The following KANK3 variants were observed in gnomAD, a reference collection of about 807,000 sequenced individuals.
KANK3 encodes the protein KN motif and ankyrin repeat domains 3, also known as KN motif and ankyrin repeat domain-containing protein 3.
Under a neutral mutation model 65.4 loss-of-function variants are expected in KANK3, and 61 were observed. The observed-to-expected ratio is 0.93, with a 90% confidence interval of 0.76 to 1.15. The LOEUF (loss-of-function observed/expected upper bound fraction) is 1.15, where lower values mean the gene tolerates loss of function less well. Ranked by LOEUF, KANK3 falls within the 50% of genes most tolerant of loss-of-function variation. The pLI is 0.00. For missense variants in KANK3, 1,187 were observed against 1,178.8 expected, an observed-to-expected ratio of 1.01 and a Z score of -0.10; for synonymous variants, 586 against 543.3, an observed-to-expected ratio of 1.08 and a Z score of -1.09.
chr19:8,322,851 G>C lies in KANK3; in HGVS notation c.2454C>G (p.Pro818=), dbSNP rs774047749. 12 of 1,602,340 alleles carry C rather than the reference G, an allele frequency of 7.5e-6. No individual in the cohort carries two copies. The highest frequency in any genetic ancestry group is 6.8e-5 in the East Asian group (3 of 44,306). The change falls in exon 11 of 11, where the codon CCC becomes CCG. Residue 818 remains proline (P), a synonymous_variant. Coordinates refer to ENST00000330915, the MANE Select transcript of KANK3 (RefSeq NM_198471.3). ...EGECGDNGEN[P]QVQ ...CAGACGAGGCAGCTTACTGAACCTGGGGGTTCTCTCCATTGTCACCGCATT... is the reference window on the plus strand; with the variant it reads ...CAGACGAGGCAGCTTACTGAACCTGCGGGTTCTCTCCATTGTCACCGCATT...
chr19:8,328,390 CACA>C (rs1970464713), intron 7 of KANK3, among the ~76,000 whole-genome samples: 2 of 4,676 alleles, frequency 4.3e-4, no homozygotes, highest in East Asian at 4.0e-3. Flanking sequence ...ACCCCCACCA[CACA>C]CACACACACA....
Position 8,333,659 on chromosome 19 carries a change from T to G in KANK3, c.1719+65A>C, listed in dbSNP as rs988426037. ...ATGGAACCCGGTGTGCTCCCCTAAG[T>G]GGGCGTCAGAGGTCCTTGGAGGCTC... On this transcript the variant is annotated intron_variant, in intron 6 of 10. Transcript: ENST00000330915. This position sits in a 1 kb window ranked among gnomAD's most constrained non-coding sequence, Gnocchi z 5.0. The G allele has an allele frequency of 5.4e-6, 7 of 1,299,890 alleles. No homozygotes were observed. The African/African-American group carries it at 1.1e-4, about 20-fold the overall frequency. 80.5% of individuals were successfully genotyped at this position (1,299,890 alleles called of 1,614,324 possible).
intron 1 of KANK3, among the ~76,000 whole-genome samples, chr19:8,340,275 C>CGTAT (rs780229218): frequency 5.0e-4 from 33 of 66,088 alleles, no homozygotes; most frequent in African/African-American, 1.1e-3. Context: ...AAAAAAAAAC[C>CGTAT]ATATATATAT....
At chr19:8,339,963 C>CAAAAA (rs59020478) in intron 1 of KANK3, among the ~76,000 whole-genome samples, 106 of 95,476 alleles carry the variant, frequency 1.1e-3, no homozygotes, top group South Asian at 1.6e-3. Context: ...GACCTTGTCT[C>CAAAAA]AAAAAAAAAA....
intron 7 of KANK3, among the ~76,000 whole-genome samples, chr19:8,327,058 A>G (rs937881243): frequency 2.6e-5 from 4 of 152,124 alleles, no homozygotes; most frequent in Non-Finnish European, 5.9e-5. Context: ...GTCTCCTGCC[A>G]TTCTGAAGGC....
chr19:8,339,963 C>CAAAAAAAAAAA (rs59020478), intron 1 of KANK3, among the ~76,000 whole-genome samples: 7 of 95,776 alleles, frequency 7.3e-5, no homozygotes, highest in Non-Finnish European at 1.3e-4. Flanking sequence ...GACCTTGTCT[C>CAAAAAAAAAAA]AAAAAAAAAA....
chr19:8,324,671 G>C lies in KANK3; in HGVS notation c.2242C>G (p.Leu748Val), dbSNP rs543226825. ...EYGRLDTVRL[L>V]LTQPGCDPAI... is the part of the protein sequence containing the mutation. ...GGGTCACAGCCTGGCTGGGTGAGCAGCAGCCGCACGGTGTCCAGGCGCCCA... is the reference window on the plus strand; with the variant it reads ...GGGTCACAGCCTGGCTGGGTGAGCACCAGCCGCACGGTGTCCAGGCGCCCA... Residue 748 changes from leucine (L) to valine (V), a missense_variant, in exon 9 of 11, where the codon CTG (leucine) becomes GTG (valine). Leu to Val is a conservative substitution (Grantham distance 32). Around this residue, in one of 3 missense-constraint regions of KANK3, gnomAD observed 1,078 missense variants for 1,038.2 expected, o/e 1.04. Coordinates refer to ENST00000330915, the MANE Select transcript of KANK3 (RefSeq NM_198471.3). 6.2e-7 allele frequency: 1 copy of C among 1,614,012 alleles called. No individual in the cohort carries two copies.
At chr19:8,325,656 C>G (rs1970414760) in intron 7 of KANK3, among the ~76,000 whole-genome samples, 1 of 152,082 alleles carries the variant, frequency 6.6e-6, no homozygotes, top group African/African-American at 2.4e-5. Flanking sequence ...TAGAACAATA[C>G]TTGGCACATA....
In KANK3 at chr19:8,333,286, T is replaced by G. The variant is rs1599647691; in HGVS notation, c.1720-56A>C. ...GCGATGGTCCACGGCGGCGCCGTGG[T>G]GGGGGAGCTGGGGAGGGGCGGGACT... On this transcript the variant is annotated intron_variant, in intron 6 of 10. Transcript: ENST00000330915. The surrounding 1 kb of genome is among the most constrained non-coding windows in gnomAD (Gnocchi z 5.0). 7.2e-7 allele frequency: 1 copy of G among 1,386,754 alleles called. No individual in the cohort carries two copies. The highest frequency in any genetic ancestry group is 9.9e-7 in the Non-Finnish European group (1 of 1,008,248). 85.9% of individuals were successfully genotyped at this position (1,386,754 alleles called of 1,614,324 possible).
chr19:8,329,832 C>T (rs1048818247), intron 7 of KANK3, among the ~76,000 whole-genome samples: 2 of 152,174 alleles, frequency 1.3e-5, no homozygotes, highest in Admixed American at 6.6e-5. Flanking sequence ...AAGGAACCTG[C>T]TTTGTGTAAC....
At chr19:8,329,125 G>A (rs1203326785) in intron 7 of KANK3, among the ~76,000 whole-genome samples, 1 of 141,398 alleles carries the variant, frequency 7.1e-6, no homozygotes. Context: ...GAGCCGAGAT[G>A]GCGCCACTGC....
chr19:8,335,806 G>T lies in KANK3; in HGVS notation c.35-14C>A, dbSNP rs942727852. 8.1e-6 allele frequency: 10 copies of T among 1,228,926 alleles called. No individual in the cohort carries two copies. Among genetic ancestry groups the T allele is most frequent in the African/African-American group, 3.1e-5 (2 of 64,284 alleles). The allele number at this position is 1,228,926 out of a possible 1,614,324, so 76.1% of individuals were successfully genotyped here. A position where few individuals can be genotyped will look rare whatever the true frequency, so the allele number is the denominator to read the frequency against. Reference sequence around the variant, plus strand: ...GGCCGCCCAGGTCTGGAGGCACGACGGGGGCACGGGGAGGGCGCATCAGAA... The same window carrying T: ...GGCCGCCCAGGTCTGGAGGCACGACTGGGGCACGGGGAGGGCGCATCAGAA... On this transcript the variant is annotated splice_polypyrimidine_tract_variant and intron_variant, in intron 2 of 10. Coordinates refer to ENST00000330915, the MANE Select transcript of KANK3 (RefSeq NM_198471.3).
rs1310235977 is a variant in KANK3 at position 8,334,007 on chromosome 19, C to T, written c.1537G>A (p.Gly513Arg). The change falls in exon 5 of 11, where the codon GGA becomes AGA. Residue 513 changes from glycine to arginine, a missense_variant. By Grantham distance (125) the Gly-to-Arg change is moderately radical. Coordinates refer to ENST00000330915, the MANE Select transcript of KANK3 (RefSeq NM_198471.3). Reference sequence around the variant, plus strand: ...GGGCCAGGGGTGCCCGAGTCGGATCCCCCGCCGCTGTCATCCCCGGAGCCC... The same window carrying T: ...GGGCCAGGGGTGCCCGAGTCGGATCTCCCGCCGCTGTCATCCCCGGAGCCC... ...SSGSGDDSGG[G>R]SDSGTPGPPS... is the part of the protein sequence containing the mutation. 1 of 1,560,376 alleles carries T rather than the reference C, an allele frequency of 6.4e-7. No homozygotes were observed. Among genetic ancestry groups the T allele is most frequent in the South Asian group, 1.2e-5 (1 of 85,774 alleles).
In KANK3 at chr19:8,333,385, C is replaced by T. The variant is rs116666311; in HGVS notation, c.1720-155G>A. On this transcript the variant is annotated intron_variant, in intron 6 of 10. Transcript: ENST00000330915. This position sits in a 1 kb window ranked among gnomAD's most constrained non-coding sequence, Gnocchi z 5.0. ...TCGTCCAGGTGGGGAGCCATGCGAACCCAGATGGAGGGCTGGGGCCACACC... is the reference window on the plus strand; with the variant it reads ...TCGTCCAGGTGGGGAGCCATGCGAATCCAGATGGAGGGCTGGGGCCACACC... Among the ~76,000 whole-genome samples the T allele has an allele frequency of 1.5e-3, 227 of 152,328 alleles. No homozygotes were observed. The highest frequency in any genetic ancestry group is 5.4e-3 in the African/African-American group (223 of 41,586).
At chr19:8,337,759 G>A (rs536424055) in intron 2 of KANK3, 36 bp downstream of exon 2, 12 of 1,591,888 alleles carry the variant, frequency 7.5e-6, no homozygotes, top group South Asian at 4.4e-5. Context: ...CTGTGCATGC[G>A]CACACACACA....
At position 8,333,227 on chromosome 19, in the gene KANK3, C is replaced by T. The variant is rs1363911311; in HGVS notation, c.1723G>A (p.Ala575Thr). The change falls in exon 7 of 11, where the codon GCA becomes ACA. Residue 575 changes from alanine to threonine, a missense_variant. By Grantham distance (58) the Ala-to-Thr change is moderately conservative (BLOSUM62 0). This residue lies in a region of KANK3 where 1,078 missense variants were observed against 1,038.2 expected (regional missense o/e 1.04). Coordinates refer to ENST00000330915, the MANE Select transcript of KANK3 (RefSeq NM_198471.3). This position sits in a 1 kb window ranked among gnomAD's most constrained non-coding sequence, Gnocchi z 5.0. ...RPRGVASDGG[A>T]VRLVAQEWFR... ...CACTCCTGGGCCACGAGGCGCACTG[C>T]GCCCTGCAAGGGACAGGGGCCAAGA... The T allele has an allele frequency of 1.2e-6, 2 of 1,609,284 alleles. No homozygotes were observed. The highest frequency in any genetic ancestry group is 1.3e-5 in the African/African-American group (1 of 74,886).
chr19:8,334,657 C>T lies in KANK3; in HGVS notation c.1170G>A (p.Ala390=), dbSNP rs1381094754. 3 of 1,541,000 alleles carry T rather than the reference C, an allele frequency of 1.9e-6. No individual in the cohort carries two copies. Among genetic ancestry groups the T allele is most frequent in the Non-Finnish European group, 2.6e-6 (3 of 1,150,472 alleles). The change falls in exon 3 of 11, where the codon GCG becomes GCA. Residue 390 remains alanine, a synonymous_variant. Coordinates refer to ENST00000330915, the MANE Select transcript of KANK3 (RefSeq NM_198471.3). ...CGCGTAGCTGGGCCCGGGCCCCCGC[C>T]GCTGCCTCCTCCGCAGCCTCGCGGG... ...EEAREAAEEA[A]AGARAQLREA...
Position 8,333,923 on chromosome 19 carries a change from C to A in KANK3, c.1621G>T (p.Val541Leu). 6.3e-7 allele frequency: 1 copy of A among 1,579,084 alleles called. No homozygotes were observed. The highest frequency in any genetic ancestry group is 8.6e-7 in the Non-Finnish European group (1 of 1,165,042). The change falls in exon 5 of 11, where the codon GTG becomes TTG. Residue 541 changes from valine (V) to leucine (L), a missense_variant. By Grantham distance (32) the Val-to-Leu change is conservative. Transcript: ENST00000330915. This position sits in a 1 kb window ranked among gnomAD's most constrained non-coding sequence, Gnocchi z 5.0. ...EPEAEAEPQQ[V>L]AQGRCELSPR... The stretch of plus-strand genomic sequence containing the variant: ...AGCGCCGCTCACCTCCCCTGTGCCA[C>A]CTGCTGAGGCTCTGCCTCCGCCTCG...
chr19:8,324,028 A>G (rs1430384583), intron 10 of KANK3, among the ~76,000 whole-genome samples: 1 of 152,186 alleles, frequency 6.6e-6, no homozygotes, highest in Non-Finnish European at 1.5e-5. Flanking sequence ...GAAAGGTCTT[A>G]GCTAGGTCTC....
Sources: gnomAD v4.1 joint callset for allele counts (sites outside exome capture counted in the v4.1 genomes callset) on GRCh38, gnomAD v4.1.1 for gene constraint, gnomAD v4.1.1 regional missense constraint, Gnocchi (gnomAD v3.1) non-coding constraint, MANE v1.5 for transcripts, NCBI Gene and HGNC (gene_info 2026-07-23, HGNC 2026-07-21) for gene names.